Variants in GOLGA1 observed in about 807,000 individuals in gnomAD.
GOLGA1 encodes golgin A1, also known as golgin subfamily A member 1.
GOLGA1 carries 63 observed loss-of-function variants against 119.7 expected under a neutral mutation model. That is an observed-to-expected ratio of 0.53 (90% CI 0.43 to 0.65). GOLGA1 has a LOEUF of 0.65. Ranked by LOEUF, GOLGA1 falls within the 30% of genes least tolerant of loss-of-function variation. The pLI is 0.00. For missense variants in GOLGA1, 798 were observed against 912.8 expected (o/e 0.87, Z 1.62); for synonymous variants, 318 against 333.4 (o/e 0.95, Z 0.50).
Position 124,929,201 on chromosome 9 carries a change from G to T in GOLGA1, c.301+15C>A. On this transcript the variant is annotated intron_variant, in intron 5 of 22. Transcript: ENST00000373555. ...ACCTTGAAAAGATTGAAAAAAGCAGGAAAAAAATACGTACAATCCTGGTGT... is the reference window on the plus strand; with the variant it reads ...ACCTTGAAAAGATTGAAAAAAGCAGTAAAAAAATACGTACAATCCTGGTGT... 1 of 1,521,230 alleles carries T rather than the reference G, an allele frequency of 6.6e-7. No individual in the cohort carries two copies. Among genetic ancestry groups the T allele is most frequent in the South Asian group, 1.1e-5 (1 of 89,174 alleles). 94.2% of individuals were successfully genotyped at this position (1,521,230 alleles called of 1,614,324 possible).
At position 124,885,712 on chromosome 9, in the gene GOLGA1, C is replaced by G. The variant is rs575755994; in HGVS notation, c.1905+2541G>C. 2.0e-5 allele frequency among the ~76,000 whole-genome samples: 3 copies of G among 152,096 alleles called. No individual in the cohort carries two copies. In the East Asian group the frequency reaches 5.8e-4, roughly 29 times the overall value. ...AGGGTACTTGATGGGAGTGAGGCCC[C>G]TGTGGCTGAGAGGGAGTGACGAGGA... On this transcript the variant is annotated intron_variant, in intron 19 of 22. Coordinates refer to ENST00000373555, the MANE Select transcript of GOLGA1 (RefSeq NM_002077.4).
chr9:124,935,250 G>A (rs1830841896), intron 3 of GOLGA1, among the ~76,000 whole-genome samples: 1 of 152,142 alleles, frequency 6.6e-6, no homozygotes, highest in Non-Finnish European at 1.5e-5. Flanking sequence ...TTTTGGGGAT[G>A]GGACCCAAGT....
At chr9:124,882,323 C>T (rs1441544929) in intron 20 of GOLGA1, among the ~76,000 whole-genome samples, 187 bp downstream of exon 20, 2 of 152,226 alleles carry the variant, frequency 1.3e-5, no homozygotes, top group Non-Finnish European at 2.9e-5. Context: ...AGCCACGGAG[C>T]TGCTTCAGAG....
chr9:124,897,451 T>A (rs1830006091), intron 15 of GOLGA1, among the ~76,000 whole-genome samples: 1 of 152,106 alleles, frequency 6.6e-6, no homozygotes, highest in Non-Finnish European at 1.5e-5. Flanking sequence ...TTCAAGTAAA[T>A]CTCCTGCCTC....
intron 13 of GOLGA1, among the ~76,000 whole-genome samples, 170 bp from the exon 14 acceptor site, chr9:124,899,648 G>A (rs976258656): frequency 6.6e-5 from 10 of 152,134 alleles, no homozygotes; most frequent in African/African-American, 2.4e-4. Flanking sequence ...GTTGCTCCTG[G>A]ACCCTGGCCT....
intron 7 of GOLGA1, among the ~76,000 whole-genome samples, chr9:124,926,059 G>A (rs560422837): frequency 3.9e-5 from 6 of 152,194 alleles, no homozygotes; most frequent in Admixed American, 3.9e-4. Flanking sequence ...ATATTACCAC[G>A]TGTCAATCAG....
chr9:124,890,319 A>C (rs1588059948), intron 16 of GOLGA1, 70 bp downstream of exon 16: 1 of 1,048,646 alleles, frequency 9.5e-7, no homozygotes, highest in Non-Finnish European at 1.5e-6. Context: ...CAACAGTCTC[A>C]CGGCAGGATG....
intron 10 of GOLGA1, among the ~76,000 whole-genome samples, chr9:124,920,233 C>A (rs1489604784): frequency 1.3e-5 from 2 of 151,928 alleles, no homozygotes; most frequent in Non-Finnish European, 2.9e-5. Context: ...GATTCTCCCA[C>A]CATAGCCTCC....
intron 5 of GOLGA1, 125 bp from the exon 6 acceptor site, chr9:124,928,410 T>C (rs1830712487): frequency 5.8e-6 from 3 of 513,112 alleles, no homozygotes; most frequent in Non-Finnish European, 3.5e-6. Context: ...ATTGTGATAC[T>C]AGGAAAAGCT....
chr9:124,932,110 T>C (rs1830781226), intron 3 of GOLGA1, among the ~76,000 whole-genome samples: 1 of 152,190 alleles, frequency 6.6e-6, no homozygotes, highest in African/African-American at 2.4e-5. Flanking sequence ...TCCATCTACT[T>C]TCACAATTGC....
intron 7 of GOLGA1, among the ~76,000 whole-genome samples, chr9:124,923,740 C>A (rs1318542610): frequency 6.6e-6 from 1 of 151,936 alleles, no homozygotes; most frequent in Non-Finnish European, 1.5e-5. Flanking sequence ...TCTCCTGCCT[C>A]AGCCTCTCAA....
intron 6 of GOLGA1, among the ~76,000 whole-genome samples, chr9:124,927,300 A>G (rs973836516): frequency 1.1e-4 from 17 of 152,176 alleles, no homozygotes; most frequent in East Asian, 3.8e-4. Flanking sequence ...AAATAGTGGG[A>G]AAAAAAGCCC....
chr9:124,905,284 A>G (rs1383199618), intron 12 of GOLGA1, among the ~76,000 whole-genome samples: 1 of 152,098 alleles, frequency 6.6e-6, no homozygotes, highest in African/African-American at 2.4e-5. Flanking sequence ...CAACATAGTG[A>G]AACCCCGTCT....
chr9:124,908,518 GAATA>G (rs1184501452), intron 11 of GOLGA1, 46 bp from the exon 12 acceptor site: 1 of 971,910 alleles, frequency 1.0e-6, no homozygotes, highest in African/African-American at 1.6e-5. Flanking sequence ...TTCCTCAGTT[GAATA>G]AATATTTACA....
upstream of GOLGA1, among the ~76,000 whole-genome samples, chr9:124,942,136 G>A (rs1477721938): frequency 2.0e-5 from 3 of 152,158 alleles, no homozygotes; most frequent in East Asian, 1.9e-4. Context: ...CGGGCATGGT[G>A]GCCCATGCCT....
chr9:124,896,847 G>A (rs925468707), intron 15 of GOLGA1, among the ~76,000 whole-genome samples: 1 of 152,004 alleles, frequency 6.6e-6, no homozygotes, highest in Non-Finnish European at 1.5e-5. Context: ...TGGGAGGATT[G>A]CTTGAGCCTG....
rs778658752 is a variant in GOLGA1 at position 124,880,195 on chromosome 9, C to A, written c.*335G>T. On this transcript the variant is annotated 3_prime_UTR_variant, in exon 23 of 23. Transcript: ENST00000373555. ...CTACATGGTGACTCAGGTGTGCCTG[C>A]CAGATGCTGATGGCTTCAGCTGTAA... The A allele has an allele frequency of 1.4e-4, 29 of 212,730 alleles. No homozygotes were observed. The highest frequency in any genetic ancestry group is 1.9e-5 in the Non-Finnish European group (2 of 102,672). The allele number at this position is 212,730 out of a possible 1,614,324, so 13.2% of individuals were successfully genotyped here. A position where few individuals can be genotyped will look rare whatever the true frequency, so the allele number is the denominator to read the frequency against.
intron 10 of GOLGA1, among the ~76,000 whole-genome samples, chr9:124,915,002 T>C (rs909830975): frequency 2.6e-5 from 4 of 152,206 alleles, no homozygotes; most frequent in African/African-American, 9.6e-5. Flanking sequence ...TCAGGCCCTC[T>C]ACACCTCATG....
Position 124,888,451 on chromosome 9 carries a change from C to G in GOLGA1, c.1762-55G>C. 6.6e-7 allele frequency: 1 copy of G among 1,511,784 alleles called. No homozygotes were observed. The highest frequency in any genetic ancestry group is 1.4e-5 in the African/African-American group (1 of 73,004). The allele number at this position is 1,511,784 out of a possible 1,614,324, so 93.6% of individuals were successfully genotyped here. ...CAGGACAGGTCAGGTGAAGCTGAGCCACAGGTACACAGGGAAGGGGAGCTA... is the reference window on the plus strand; with the variant it reads ...CAGGACAGGTCAGGTGAAGCTGAGCGACAGGTACACAGGGAAGGGGAGCTA... On this transcript the variant is annotated intron_variant, in intron 18 of 22. Coordinates refer to ENST00000373555, the MANE Select transcript of GOLGA1 (RefSeq NM_002077.4). The surrounding 1 kb of genome is among the most constrained non-coding windows in gnomAD (Gnocchi z 4.4).
Sources: allele counts gnomAD v4.1 joint callset (sites outside exome capture counted in the v4.1 genomes callset), GRCh38; gene constraint gnomAD v4.1.1; non-coding constraint Gnocchi (gnomAD v3.1); transcripts MANE v1.5; gene names NCBI Gene and HGNC (gene_info 2026-07-23, HGNC 2026-07-21).